The following FAT3 variants were observed in gnomAD, a reference collection of about 807,000 sequenced individuals.
The protein encoded by FAT3 is FAT atypical cadherin 3, also known as protocadherin Fat 3.
FAT3 carries 95 observed loss-of-function variants against 310.2 expected under a neutral mutation model. The observed-to-expected ratio is 0.31, with a 90% CI of 0.26 to 0.36. FAT3 has a LOEUF of 0.36. Ranked by LOEUF, FAT3 falls within the 10% of genes least tolerant of loss-of-function variation. The pLI is 1.00. For synonymous variants in FAT3, 2,314 were observed against 2,192.9 expected, an observed-to-expected ratio of 1.06 and a Z score of -1.54; for missense variants, 5,408 against 5,715.6, an observed-to-expected ratio of 0.95 and a Z score of 1.74.
At chr11:92,309,140 T>G (rs1379347517) in intron 1 of FAT3, among the ~76,000 whole-genome samples, 2 of 151,880 alleles carry the variant, frequency 1.3e-5, no homozygotes, top group Non-Finnish European at 2.9e-5. Flanking sequence ...TTAGCTTGTT[T>G]TGTGTTATGT....
chr11:92,261,198 G>C (rs1218394851), intron 1 of FAT3, among the ~76,000 whole-genome samples: 2 of 151,994 alleles, frequency 1.3e-5, no homozygotes, highest in African/African-American at 2.4e-5. Context: ...TTCACAGGAG[G>C]AATTTTAGAA....
intron 2 of FAT3, among the ~76,000 whole-genome samples, chr11:92,502,217 A>T (rs1313894961): frequency 6.6e-6 from 1 of 152,068 alleles, no homozygotes; most frequent in Non-Finnish European, 1.5e-5. Context: ...ATGGTCTAAG[A>T]GTTCATTTAA....
Position 92,354,260 on chromosome 11 carries a change from T to G in FAT3, c.2148T>G (p.Tyr716Ter). 6.2e-7 allele frequency: 1 copy of G among 1,613,740 alleles called. No homozygotes were observed. The highest frequency in any genetic ancestry group is 8.5e-7 in the Non-Finnish European group (1 of 1,179,850). Reference sequence around the variant, plus strand: ...TGGAAGATGGATTTCTTGACTTTTATTCAATTAATAGACAGGGACCATATT... The same window carrying G: ...TGGAAGATGGATTTCTTGACTTTTAGTCAATTAATAGACAGGGACCATATT... ...LNLEDGFLDF[Y>*]SINRQGPYFD... The change falls in exon 2 of 28, where the codon TAT becomes TAG. Residue 716 changes from tyrosine (Y) to a stop codon, truncating the protein, a stop_gained. Coordinates refer to ENST00000525166, the MANE Select transcript of FAT3 (RefSeq NM_001367949.2). LOFTEE classifies it high-confidence loss of function.
At chr11:92,673,361 A>G (rs1181061065) in intron 3 of FAT3, among the ~76,000 whole-genome samples, 1 of 152,224 alleles carries the variant, frequency 6.6e-6, no homozygotes, top group African/African-American at 2.4e-5. Flanking sequence ...TATTCATCCA[A>G]CGAAACTCTA....
chr11:92,514,032 C>T (rs1002167921), intron 2 of FAT3, among the ~76,000 whole-genome samples: 1 of 152,112 alleles, frequency 6.6e-6, no homozygotes, highest in African/African-American at 2.4e-5. Flanking sequence ...TTATGAACAG[C>T]TTTATATATT....
intron 18 of FAT3, among the ~76,000 whole-genome samples, chr11:92,843,290 C>T (rs1304575220): frequency 6.6e-6 from 1 of 152,208 alleles, no homozygotes; most frequent in Non-Finnish European, 1.5e-5. Flanking sequence ...TGCCCTTCTC[C>T]TGAAGCTCTG....
chr11:92,229,675 C>G (rs1240065512), intron 1 of FAT3, among the ~76,000 whole-genome samples: 1 of 151,350 alleles, frequency 6.6e-6, no homozygotes, highest in Non-Finnish European at 1.5e-5. Flanking sequence ...TCTGGTCTAC[C>G]AAAATAGGCT....
intron 2 of FAT3, among the ~76,000 whole-genome samples, chr11:92,409,704 T>C (rs982824400): frequency 2.6e-5 from 4 of 152,184 alleles, no homozygotes; most frequent in Non-Finnish European, 5.9e-5. Flanking sequence ...CAAAATTAGA[T>C]CAGTTCCATA....
At chr11:92,649,764 A>G (rs529055421) in intron 3 of FAT3, among the ~76,000 whole-genome samples, 18 of 152,006 alleles carry the variant, frequency 1.2e-4, no homozygotes, top group African/African-American at 4.3e-4. Context: ...TCAGCGATCT[A>G]GATATTAGAT....
At chr11:92,593,531 T>G (rs182618202) in intron 3 of FAT3, among the ~76,000 whole-genome samples, 9 of 152,210 alleles carry the variant, frequency 5.9e-5, no homozygotes, top group African/African-American at 2.2e-4. Flanking sequence ...GATCCTGAGC[T>G]AAGCTGTACT....
intron 1 of FAT3, among the ~76,000 whole-genome samples, chr11:92,306,630 TTATATTATA>T (rs556726939): frequency 4.0e-3 from 496 of 124,684 alleles, no homozygotes; most frequent in African/African-American, 6.7e-3. Context: ...TATATTATAT[TTATATTATA>T]TATATTATAT....
intron 2 of FAT3, among the ~76,000 whole-genome samples, chr11:92,480,642 G>A (rs542823953): frequency 9.8e-5 from 15 of 152,336 alleles, no homozygotes; most frequent in Admixed American, 5.9e-4. Context: ...TATGATGCAT[G>A]TGGCTTTTCC....
chr11:92,642,659 G>T (rs1024148676), intron 3 of FAT3, among the ~76,000 whole-genome samples: 7 of 152,188 alleles, frequency 4.6e-5, no homozygotes, highest in African/African-American at 1.4e-4. Context: ...TTGAGGATTG[G>T]CTGAGCATTT....
At chr11:92,683,732 G>T (rs1158930212) in intron 3 of FAT3, among the ~76,000 whole-genome samples, 1 of 152,116 alleles carries the variant, frequency 6.6e-6, no homozygotes, top group East Asian at 1.9e-4. Context: ...AGCCCAAAAT[G>T]GCCTATGAGA....
At chr11:92,391,869 G>A (rs568347047) in intron 2 of FAT3, among the ~76,000 whole-genome samples, 4 of 152,254 alleles carry the variant, frequency 2.6e-5, no homozygotes, top group Admixed American at 1.3e-4. Flanking sequence ...GAATGAGATC[G>A]TTAACATCAA....
intron 19 of FAT3, among the ~76,000 whole-genome samples, chr11:92,849,365 G>A (rs982476350): frequency 6.6e-6 from 1 of 152,102 alleles, no homozygotes; most frequent in Non-Finnish European, 1.5e-5. Flanking sequence ...CACCAGTACT[G>A]GGAGCTCACA....
At chr11:92,379,382 A>G (rs534826064) in intron 2 of FAT3, among the ~76,000 whole-genome samples, 7 of 152,206 alleles carry the variant, frequency 4.6e-5, no homozygotes, top group Admixed American at 1.3e-4. Flanking sequence ...TCTGGAAGGT[A>G]GCAGAAGTTA....
intron 2 of FAT3, among the ~76,000 whole-genome samples, chr11:92,437,281 T>G (rs886231178): frequency 6.6e-6 from 1 of 152,192 alleles, no homozygotes; most frequent in African/African-American, 2.4e-5. Flanking sequence ...TGGTAGTAAT[T>G]TAACCCACCT....
chr11:92,764,764 C>T, intron 5 of FAT3, 115 bp from the exon 6 acceptor site: 4 of 936,752 alleles, frequency 4.3e-6, no homozygotes, highest in Non-Finnish European at 6.3e-6. Flanking sequence ...CTTTCTTCCC[C>T]TTGCTGACAC....
Sources: allele counts gnomAD v4.1 joint callset (sites outside exome capture counted in the v4.1 genomes callset), GRCh38; gene constraint gnomAD v4.1.1; transcripts MANE v1.5; gene names NCBI Gene and HGNC (gene_info 2026-07-23, HGNC 2026-07-21).